The following CCT6B variants were observed in gnomAD, a reference collection of about 807,000 sequenced individuals.
CCT6B encodes the protein chaperonin containing TCP1 subunit 6B.
CCT6B carries 49 observed loss-of-function variants against 61.5 expected under a neutral mutation model. The observed-to-expected ratio is 0.80, with a 90% CI of 0.63 to 1.01. The LOEUF is 1.01. Ranked by LOEUF, CCT6B falls within the 50% of genes least tolerant of loss-of-function variation. The pLI, the probability that CCT6B is intolerant of heterozygous loss-of-function variation, is 0.00. For synonymous variants in CCT6B, 228 were observed against 214.5 expected (o/e 1.06, Z -0.55); for missense variants, 666 against 634.7 (o/e 1.05, Z -0.53).
chr17:34,942,608 T>C lies in CCT6B; in HGVS notation c.761A>G (p.Glu254Gly), dbSNP rs1202976087. The change falls in exon 7 of 14, where the codon GAA becomes GGA. Residue 254 changes from glutamate (E) to glycine (G), a missense_variant. Glu to Gly is a moderately conservative substitution (Grantham distance 98, BLOSUM62 -2). Coordinates refer to ENST00000314144, the MANE Select transcript of CCT6B (RefSeq NM_006584.4). ...VNSGFFYKTA[E>G]EKEKLVKAER... ...AGCTTTTACCAATTTCTCTTTCTCT[T>C]CTGCAGTCTTATAAAAGAAACCAGA... 4 of 1,602,766 alleles carry C rather than the reference T, an allele frequency of 2.5e-6. No homozygotes were observed. The highest frequency in any genetic ancestry group is 1.1e-5 in the South Asian group (1 of 88,580).
At chr17:34,933,567 A>G (rs2142137618) in intron 10 of CCT6B, among the ~76,000 whole-genome samples, 1 of 152,330 alleles carries the variant, frequency 6.6e-6, no homozygotes, top group South Asian at 2.1e-4. Context: ...CTTGTTAAAT[A>G]CAGAATATAC....
chr17:34,929,674 C>T lies in CCT6B; in HGVS notation c.1451-640G>A, dbSNP rs139121639. 5.4e-3 allele frequency among the ~76,000 whole-genome samples: 820 copies of T among 151,688 alleles called. 7 individuals are homozygous for T. Among genetic ancestry groups the T allele is most frequent in the African/African-American group, 0.019 (783 of 41,390 alleles). ...GATTATAGGGGCCTGCCACCATCCC[C>T]GGCTAATTTTTGCATTTTTAGTAGA... On this transcript the variant is annotated intron_variant, in intron 12 of 13. Transcript: ENST00000314144.
intron 5 of CCT6B, chr17:34,944,184 C>T (rs1256916553): frequency 6.6e-6 from 1 of 152,148 alleles, no homozygotes; most frequent in East Asian, 1.9e-4. Flanking sequence ...TCCTCCCTCC[C>T]TACTGTCAGC....
At chr17:34,928,406 G>T (rs1024213721) in intron 13 of CCT6B, among the ~76,000 whole-genome samples, 2 of 151,940 alleles carry the variant, frequency 1.3e-5, no homozygotes, top group Non-Finnish European at 2.9e-5. Context: ...CCGAGTAGCT[G>T]GGATAACAGG....
At chr17:34,942,749 C>T (rs373591279) in intron 6 of CCT6B, 47 bp downstream of exon 6, 7 of 1,509,724 alleles carry the variant, frequency 4.6e-6, no homozygotes, top group Non-Finnish European at 6.3e-6. Context: ...TTTAAAACAC[C>T]TTTAGAAAAA....
At position 34,939,287 on chromosome 17, in the gene CCT6B, C is replaced by G; in HGVS notation, c.1109G>C (p.Cys370Ser). 1 of 1,613,780 alleles carries G rather than the reference C, an allele frequency of 6.2e-7. No individual in the cohort carries two copies. Among genetic ancestry groups the G allele is most frequent in the South Asian group, 1.1e-5 (1 of 91,064 alleles). ...FTFIEECVNPCSVTLLVKGPN... is the reference protein window; with the variant it reads ...FTFIEECVNPSSVTLLVKGPN... ...TCCTTTAACCAACAAGGTAACAGAG[C>G]AAGGGTTAACACACTCCTCAATAAA... The change falls in exon 10 of 14, where the codon TGC becomes TCC. Residue 370 changes from cysteine (C) to serine (S), a missense_variant. Physicochemically the swap from Cys to Ser is moderately radical, Grantham distance 112 (BLOSUM62 -1). Transcript: ENST00000314144.
intron 10 of CCT6B, among the ~76,000 whole-genome samples, chr17:34,937,350 T>C (rs2090106210): frequency 6.6e-6 from 1 of 152,028 alleles, no homozygotes; most frequent in Non-Finnish European, 1.5e-5. Flanking sequence ...CAGGACAGTA[T>C]GATATTAACA....
Position 34,928,991 on chromosome 17 carries a change from A to G in CCT6B, c.1494T>C (p.Tyr498=), listed in dbSNP as rs1357079050. Residue 498 remains tyrosine, a synonymous_variant, in exon 13 of 14, where the codon TAT becomes TAC. Transcript: ENST00000314144. ...AGTGAAGAAGTTGTTTTTTTACACAATAATTATCCCAAACTCCTGCATCTG... is the reference window on the plus strand; with the variant it reads ...AGTGAAGAAGTTGTTTTTTTACACAGTAATTATCCCAAACTCCTGCATCTG... The part of the protein sequence containing the change: ...VAADAGVWDN[Y]CVKKQLLHSC... The G allele has an allele frequency of 1.9e-6, 3 of 1,608,320 alleles. No homozygotes were observed. The highest frequency in any genetic ancestry group is 1.1e-5 in the South Asian group (1 of 90,278).
In CCT6B at chr17:34,949,236, G is replaced by A. The variant is rs547396386; in HGVS notation, c.614+2714C>T. On this transcript the variant is annotated intron_variant, in intron 5 of 13. Coordinates refer to ENST00000314144, the MANE Select transcript of CCT6B (RefSeq NM_006584.4). Reference sequence around the variant, plus strand: ...TTTGGGAGGCAGAGGTGGGCGGATCGCCTGAGGTCGGGAGTTCAAGACCAG... The same window carrying A: ...TTTGGGAGGCAGAGGTGGGCGGATCACCTGAGGTCGGGAGTTCAAGACCAG... Among the ~76,000 whole-genome samples, 13 of 151,924 alleles carry A rather than the reference G, an allele frequency of 8.6e-5. No homozygotes were observed. In the South Asian group the frequency reaches 2.3e-3, roughly 27 times the overall value.
chr17:34,948,699 A>C (rs1402212391), intron 5 of CCT6B, among the ~76,000 whole-genome samples: 1 of 142,782 alleles, frequency 7.0e-6, no homozygotes, highest in African/African-American at 2.6e-5. Flanking sequence ...GGGTAACAAG[A>C]GTGAAACTCC....
chr17:34,935,654 G>T (rs1227361125), intron 10 of CCT6B, among the ~76,000 whole-genome samples: 1 of 151,910 alleles, frequency 6.6e-6, no homozygotes, highest in South Asian at 2.1e-4. Context: ...TCAGGAGTTC[G>T]AGACCAGCCA....
At position 34,942,497 on chromosome 17, in the gene CCT6B, A is replaced by G. The variant is rs1469269132; in HGVS notation, c.872T>C (p.Val291Ala). The G allele has an allele frequency of 7.6e-6, 12 of 1,588,134 alleles. No homozygotes were observed. The highest frequency in any genetic ancestry group is 1.9e-5 in the Admixed American group (1 of 51,430). The change falls in exon 7 of 14, where the codon GTC (valine) becomes GCC (alanine). Residue 291 changes from valine (V) to alanine (A), a missense_variant. Coordinates refer to ENST00000314144, the MANE Select transcript of CCT6B (RefSeq NM_006584.4). Reference sequence around the variant, plus strand: ...TTTCTTTCTCACCTTTTGATTAATGACGACAAATCCTTTATTTGACTGAGC... The same window carrying G: ...TTTCTTTCTCACCTTTTGATTAATGGCGACAAATCCTTTATTTGACTGAGC... ...VCAQSNKGFV[V>A]INQKGIDPFS... is the part of the protein sequence containing the mutation.
intron 12 of CCT6B, 56 bp downstream of exon 12, chr17:34,930,893 G>C: frequency 1.2e-6 from 1 of 848,610 alleles, no homozygotes; most frequent in Non-Finnish European, 2.0e-6. Context: ...CATAAGATCT[G>C]GGTAACTAAA....
chr17:34,944,362 T>G (rs1392650731), intron 5 of CCT6B: 1 of 152,478 alleles, frequency 6.6e-6, no homozygotes, highest in African/African-American at 2.4e-5. Flanking sequence ...CTCTCTGTTC[T>G]TGCACTGTCC....
At chr17:34,953,293 TCCAG>T (rs1433296886) in intron 4 of CCT6B, among the ~76,000 whole-genome samples, 1 of 149,358 alleles carries the variant, frequency 6.7e-6, no homozygotes, top group African/African-American at 2.4e-5. Context: ...TCCCAAAATA[TCCAG>T]CCAATCTTGT....
chr17:34,937,792 T>C (rs536790599), intron 10 of CCT6B, among the ~76,000 whole-genome samples: 1 of 152,142 alleles, frequency 6.6e-6, no homozygotes, highest in East Asian at 1.9e-4. Context: ...ATTTGCCAAT[T>C]ATATATCTGA....
intron 13 of CCT6B, 37 bp from the exon 14 acceptor site, chr17:34,928,154 A>C: frequency 2.9e-6 from 4 of 1,381,336 alleles, no homozygotes; most frequent in Non-Finnish European, 4.1e-6. Context: ...AAAGCCTACT[A>C]ACCCACTCTT....
chr17:34,960,526 AATTAT>A, intron 1 of CCT6B, among the ~76,000 whole-genome samples: 1 of 152,214 alleles, frequency 6.6e-6, no homozygotes, highest in Non-Finnish European at 1.5e-5. Flanking sequence ...TCTTCAGCAT[AATTAT>A]ATGCATCTAT....
chr17:34,930,964 C>A lies in CCT6B; in HGVS notation c.1435G>T (p.Val479Leu). 1 of 1,591,774 alleles carries A rather than the reference C, an allele frequency of 6.3e-7. No homozygotes were observed. Among genetic ancestry groups the A allele is most frequent in the Non-Finnish European group, 8.6e-7 (1 of 1,162,282 alleles). ...ACTTTCTTACCTGTATTCAAATCTA[C>A]GCCCACAAGTTGTTTTGACTCGACA... ...EHVESKQLVG[V>L]DLNTGEPMVA... Residue 479 changes from valine to leucine, a missense_variant, in exon 12 of 14, where the codon GTA (valine) becomes TTA (leucine). Transcript: ENST00000314144.
Sources: gnomAD v4.1 joint callset for allele counts (sites outside exome capture counted in the v4.1 genomes callset) on GRCh38, gnomAD v4.1.1 for gene constraint, MANE v1.5 for transcripts, NCBI Gene and HGNC (gene_info 2026-07-23, HGNC 2026-07-21) for gene names.